Variants in STARD13 observed in about 807,000 individuals in gnomAD.
STARD13 encodes the protein StAR related lipid transfer domain containing 13.
A neutral mutation model predicts 106.4 loss-of-function variants in STARD13; 62 were observed. That is an observed-to-expected ratio of 0.58 (90% CI 0.48 to 0.72). The LOEUF is 0.72. STARD13 is among the 30% of genes least tolerant of loss of function. The probability of loss-of-function intolerance (pLI) is 0.00; values close to 1 mark genes in which losing one functional copy is unlikely to be tolerated. For synonymous variants in STARD13, 565 were observed against 553.0 expected, an observed-to-expected ratio of 1.02 and a Z score of -0.31; for missense variants, 1,387 against 1,424.0, an observed-to-expected ratio of 0.97 and a Z score of 0.42.
chr13:33,107,051 T>C, intron 12 of STARD13, 117 bp from the exon 13 acceptor site: 3 of 923,092 alleles, frequency 3.2e-6, no homozygotes, highest in Non-Finnish European at 4.9e-6. Context: ...CAGATTCCAA[T>C]GCTAGTGACT....
At chr13:33,219,759 C>A (rs543906057) in intron 1 of STARD13, among the ~76,000 whole-genome samples, 1 of 144,906 alleles carries the variant, frequency 6.9e-6, no homozygotes, top group Admixed American at 7.2e-5. Context: ...GCTATGATCA[C>A]GCCACTGTAC....
chr13:33,481,056 T>C, the STARD13 span, among the ~76,000 whole-genome samples: 1 of 151,244 alleles, frequency 6.6e-6, no homozygotes, highest in African/African-American at 2.4e-5. Context: ...TAGTTTCTAG[T>C]GCCACTAAAA....
At chr13:33,655,256 C>G in the STARD13 span, among the ~76,000 whole-genome samples, 1 of 152,170 alleles carries the variant, frequency 6.6e-6, no homozygotes, top group Non-Finnish European at 1.5e-5. Context: ...ATTGCATGGA[C>G]TAAAATTCTG....
the STARD13 span, among the ~76,000 whole-genome samples, chr13:33,390,358 A>G: frequency 2.6e-5 from 4 of 152,148 alleles, no homozygotes; most frequent in Admixed American, 1.3e-4. Flanking sequence ...TTTACCATCA[A>G]CCTGGTGTTT....
At chr13:33,171,666 C>A (rs1883978864) in intron 1 of STARD13, among the ~76,000 whole-genome samples, 1 of 152,172 alleles carries the variant, frequency 6.6e-6, no homozygotes, top group South Asian at 2.1e-4. Flanking sequence ...CTAAGGAGAC[C>A]AATAGTCATT....
chr13:33,456,394 T>C, the STARD13 span, among the ~76,000 whole-genome samples: 1 of 152,178 alleles, frequency 6.6e-6, no homozygotes, highest in African/African-American at 2.4e-5. Flanking sequence ...TTCACCATGT[T>C]GGCCAGGCTG....
chr13:33,542,487 C>G, the STARD13 span, among the ~76,000 whole-genome samples: 1 of 152,240 alleles, frequency 6.6e-6, no homozygotes, highest in Admixed American at 6.5e-5. Context: ...AGCAAACGTG[C>G]AAACATTGAA....
At chr13:33,433,972 G>A in the STARD13 span, among the ~76,000 whole-genome samples, 1 of 152,158 alleles carries the variant, frequency 6.6e-6, no homozygotes, top group African/African-American at 2.4e-5. Flanking sequence ...TTTGTGGATG[G>A]ACAAGCAGTA....
chr13:33,585,725 C>T, the STARD13 span, among the ~76,000 whole-genome samples: 2 of 152,292 alleles, frequency 1.3e-5, no homozygotes, highest in African/African-American at 4.8e-5. Context: ...TACATATATA[C>T]ATACAATGGA....
chr13:33,624,304 A>G, the STARD13 span, among the ~76,000 whole-genome samples: 77 of 152,336 alleles, frequency 5.1e-4, no homozygotes, highest in African/African-American at 1.7e-3. Context: ...AAACAAATGA[A>G]CTACTGATGC....
At chr13:33,284,648 A>G (rs2138412480) in intron 1 of STARD13, among the ~76,000 whole-genome samples, 1 of 151,908 alleles carries the variant, frequency 6.6e-6, no homozygotes, top group Admixed American at 6.6e-5. Flanking sequence ...ACTGACTGTA[A>G]ACGTGTGTGT....
At chr13:33,441,205 T>C in the STARD13 span, among the ~76,000 whole-genome samples, 1 of 152,170 alleles carries the variant, frequency 6.6e-6, no homozygotes, top group African/African-American at 2.4e-5. Context: ...ATCTGCTTCT[T>C]TTCATCCCTG....
At chr13:33,610,254 T>C in the STARD13 span, among the ~76,000 whole-genome samples, 1 of 152,176 alleles carries the variant, frequency 6.6e-6, no homozygotes, top group Non-Finnish European at 1.5e-5. Flanking sequence ...AGGTTCACTC[T>C]GGGGAGGGGA....
chr13:33,409,713 G>A, the STARD13 span, among the ~76,000 whole-genome samples: 1 of 152,202 alleles, frequency 6.6e-6, no homozygotes, highest in Non-Finnish European at 1.5e-5. Context: ...ATGGGCAGTG[G>A]AAGTTAGCCT....
chr13:33,358,460 G>A, the STARD13 span, among the ~76,000 whole-genome samples: 1,253 of 152,352 alleles, frequency 8.2e-3, 4 homozygotes, highest in Non-Finnish European at 0.014. Context: ...TGGTGGGGAC[G>A]TGGAGAGTCT....
chr13:33,640,943 TTA>T, the STARD13 span, among the ~76,000 whole-genome samples: 1 of 152,230 alleles, frequency 6.6e-6, no homozygotes. Flanking sequence ...ACACATTTAT[TTA>T]ATGTGTATAC....
the STARD13 span, among the ~76,000 whole-genome samples, chr13:33,544,192 G>GT: frequency 6.6e-6 from 1 of 152,090 alleles, no homozygotes; most frequent in Non-Finnish European, 1.5e-5. Context: ...AAGATGCCAG[G>GT]TTTTTTTCAG....
chr13:33,207,196 C>T (rs1420037761), intron 1 of STARD13, among the ~76,000 whole-genome samples: 2 of 152,086 alleles, frequency 1.3e-5, no homozygotes, highest in Non-Finnish European at 1.5e-5. Context: ...GGATAACAGC[C>T]ACTCAGATTT....
intron 1 of STARD13, among the ~76,000 whole-genome samples, chr13:33,297,322 ATT>A (rs1240435767): frequency 1.3e-5 from 2 of 152,252 alleles, no homozygotes; most frequent in African/African-American, 4.8e-5. Context: ...ACAAGAGAAT[ATT>A]TACTGAGCAC....
Sources: allele counts gnomAD v4.1 joint callset (sites outside exome capture counted in the v4.1 genomes callset), GRCh38; gene constraint gnomAD v4.1.1; transcripts MANE v1.5; gene names NCBI Gene and HGNC (gene_info 2026-07-23, HGNC 2026-07-21).